The following ATR variants were observed in gnomAD, a reference collection of about 807,000 sequenced individuals.
ATR encodes the protein serine/threonine-protein kinase ATR.
A neutral mutation model predicts 305.3 loss-of-function variants in ATR; 142 were observed. The observed-to-expected ratio is 0.47, with a 90% CI of 0.41 to 0.53. ATR has a LOEUF of 0.53. Ranked by LOEUF, ATR falls within the 20% of genes least tolerant of loss-of-function variation. The pLI is 0.00. For synonymous variants in ATR, 1,050 were observed against 1,068.1 expected (o/e 0.98, Z 0.33); for missense variants, 2,135 against 3,133.1 (o/e 0.68, Z 7.60).
intron 1 of ATR, among the ~76,000 whole-genome samples, chr3:142,572,023 C>T (rs940039622): frequency 2.3e-4 from 35 of 152,064 alleles, no homozygotes; most frequent in African/African-American, 7.5e-4. Flanking sequence ...GCCTCAGCCT[C>T]CCAAAGTGCT....
intron 41 of ATR, among the ~76,000 whole-genome samples, chr3:142,464,820 T>C (rs921697698): frequency 6.6e-6 from 1 of 152,202 alleles, no homozygotes; most frequent in African/African-American, 2.4e-5. Context: ...AATGTGAATG[T>C]ACTTAATGCC....
chr3:142,562,080 T>C, intron 4 of ATR, 152 bp downstream of exon 4: 1 of 898,188 alleles, frequency 1.1e-6, no homozygotes, highest in Non-Finnish European at 1.6e-6. Flanking sequence ...TCCATAATAG[T>C]GAGCCAGACT....
intron 23 of ATR, among the ~76,000 whole-genome samples, chr3:142,521,690 A>AC (rs2033156248): frequency 6.6e-6 from 1 of 152,206 alleles, no homozygotes; most frequent in Non-Finnish European, 1.5e-5. Flanking sequence ...AGATGTGATA[A>AC]AAACAGCAAG....
chr3:142,535,617 A>G (rs978745472), intron 20 of ATR, among the ~76,000 whole-genome samples: 1 of 152,198 alleles, frequency 6.6e-6, no homozygotes, highest in African/African-American at 2.4e-5. Context: ...CAGAAGTTCT[A>G]TGAAATCACC....
intron 36 of ATR, among the ~76,000 whole-genome samples, chr3:142,474,017 C>T (rs1234647383): frequency 3.3e-5 from 5 of 150,030 alleles, no homozygotes; most frequent in African/African-American, 1.2e-4. Flanking sequence ...ACCTCCGCCT[C>T]CTGGGTTCAA....
chr3:142,548,633 C>T (rs2034357319), intron 15 of ATR, among the ~76,000 whole-genome samples: 1 of 149,586 alleles, frequency 6.7e-6, no homozygotes, highest in Non-Finnish European at 1.5e-5. Flanking sequence ...CGTGCCACTG[C>T]ACTCCAGCCT....
intron 45 of ATR, among the ~76,000 whole-genome samples, chr3:142,457,267 A>C (rs1293453225): frequency 6.6e-6 from 1 of 152,188 alleles, no homozygotes; most frequent in Non-Finnish European, 1.5e-5. Context: ...AAAATATTAT[A>C]AATGAGTGGT....
At chr3:142,571,420 C>T (rs912731898) in intron 1 of ATR, among the ~76,000 whole-genome samples, 3 of 151,878 alleles carry the variant, frequency 2.0e-5, no homozygotes, top group Non-Finnish European at 4.4e-5. Context: ...GAGTCGAGAT[C>T]GCGCCACTGT....
At chr3:142,476,865 A>G (rs943870031) in intron 36 of ATR, among the ~76,000 whole-genome samples, 5 of 152,102 alleles carry the variant, frequency 3.3e-5, no homozygotes, top group African/African-American at 4.8e-5. Context: ...AATTGTGAAT[A>G]GGAGTTCACT....
intron 36 of ATR, among the ~76,000 whole-genome samples, chr3:142,481,720 G>C (rs2030500311): frequency 6.6e-6 from 1 of 152,042 alleles, no homozygotes; most frequent in Non-Finnish European, 1.5e-5. Context: ...GAACTCCTGG[G>C]CTCAAGCAAT....
At chr3:142,476,630 G>T (rs1351726691) in intron 36 of ATR, among the ~76,000 whole-genome samples, 1 of 152,162 alleles carries the variant, frequency 6.6e-6, no homozygotes, top group Admixed American at 6.5e-5. Flanking sequence ...ATTCTGTGAA[G>T]AAAGTCATTG....
intron 29 of ATR, 82 bp downstream of exon 29, chr3:142,505,057 A>G: frequency 6.4e-7 from 1 of 1,557,188 alleles, no homozygotes; most frequent in Non-Finnish European, 8.8e-7. Context: ...AACAAAACAA[A>G]ACAAAACAAA....
intron 36 of ATR, among the ~76,000 whole-genome samples, chr3:142,471,106 C>G (rs543397401): frequency 1.2e-4 from 18 of 152,126 alleles, no homozygotes; most frequent in Non-Finnish European, 2.1e-4. Context: ...AACTTCCCGT[C>G]TCCTTCCCCA....
chr3:142,495,575 T>A (rs572790987), intron 34 of ATR, among the ~76,000 whole-genome samples: 162 of 152,064 alleles, frequency 1.1e-3, no homozygotes, highest in Middle Eastern at 6.8e-3. Context: ...AAACCCCATC[T>A]CTACTAAAAA....
At chr3:142,529,066 G>C (rs2108410277) in intron 21 of ATR, among the ~76,000 whole-genome samples, 1 of 150,718 alleles carries the variant, frequency 6.6e-6, no homozygotes, top group Non-Finnish European at 1.5e-5. Context: ...ATTTTTAGTA[G>C]AGACAGCGTT....
chr3:142,485,449 G>A (rs965073364), intron 35 of ATR, among the ~76,000 whole-genome samples, 167 bp from the exon 36 acceptor site: 6 of 152,204 alleles, frequency 3.9e-5, no homozygotes, highest in Admixed American at 3.3e-4. Context: ...CTAACTTCTT[G>A]TAAAGGTTTT....
intron 36 of ATR, among the ~76,000 whole-genome samples, chr3:142,475,713 A>G (rs1277920865): frequency 6.6e-6 from 1 of 152,266 alleles, no homozygotes; most frequent in African/African-American, 2.4e-5. Context: ...CAGTCCCAAC[A>G]ACAGTGTAAA....
Position 142,556,094 on chromosome 3 carries a change from A to C in ATR, c.2124T>G (p.Ala708=). 1 of 1,613,490 alleles carries C rather than the reference A, an allele frequency of 6.2e-7. No homozygotes were observed. The highest frequency in any genetic ancestry group is 8.5e-7 in the Non-Finnish European group (1 of 1,179,804). The change falls in exon 10 of 47, where the codon GCT becomes GCG. Residue 708 remains alanine (A), a synonymous_variant. Transcript: ENST00000350721. Reference sequence around the variant, plus strand: ...TACAGACAAGTTGACCAAGTATAGAAGCAAATTCTTTCTTGACAATGTCAG... The same window carrying C: ...TACAGACAAGTTGACCAAGTATAGACGCAAATTCTTTCTTGACAATGTCAG... The part of the protein sequence containing the change: ...DDSDIVKKEF[A]SILGQLVCTL...
chr3:142,558,925 G>C, intron 7 of ATR, 149 bp from the exon 8 acceptor site: 1 of 801,002 alleles, frequency 1.2e-6, no homozygotes, highest in Non-Finnish European at 1.9e-6. Context: ...ATGGTCTGAG[G>C]TCTGTGAACC....
Sources: allele counts gnomAD v4.1 joint callset (sites outside exome capture counted in the v4.1 genomes callset), GRCh38; gene constraint gnomAD v4.1.1; transcripts MANE v1.5; gene names NCBI Gene and HGNC (gene_info 2026-07-23, HGNC 2026-07-21).